KSR2: variants seen among roughly 807,000 people sequenced by gnomAD.
KSR2 encodes the protein kinase suppressor of ras 2.
In KSR2, 25 loss-of-function variants were observed where a neutral mutation model predicts 107.8. That is an observed-to-expected ratio of 0.23 (90% CI 0.17 to 0.32). KSR2 has a LOEUF of 0.32. Among genes scored for constraint, KSR2 ranks in the 10% least tolerant of loss-of-function variants. The pLI, the probability that KSR2 is intolerant of heterozygous loss-of-function variation, is 1.00. For synonymous variants in KSR2, 480 were observed against 507.0 expected (o/e 0.95, Z 0.71); for missense variants, 887 against 1,268.9 (o/e 0.70, Z 4.57).
At chr12:117,631,503 A>C (rs996042969) in intron 5 of KSR2, among the ~76,000 whole-genome samples, 11 of 152,338 alleles carry the variant, frequency 7.2e-5, no homozygotes, top group African/African-American at 2.6e-4. Context: ...TGATTATCAT[A>C]AATCTAGGTC....
rs141091835 is a variant in KSR2 at position 117,602,421 on chromosome 12, A to G, written c.1172-20062T>C. On this transcript the variant is annotated intron_variant, in intron 5 of 19. Transcript: ENST00000339824. ...ACCCCAGCTTCTCCCAGTCCCTGGAATTACCAATCTGCTTCCTGTCTACAT... is the reference window on the plus strand; with the variant it reads ...ACCCCAGCTTCTCCCAGTCCCTGGAGTTACCAATCTGCTTCCTGTCTACAT... Among the ~76,000 whole-genome samples, 328 of 152,310 alleles carry G rather than the reference A, an allele frequency of 2.2e-3. 3 individuals are homozygous for G. Among genetic ancestry groups the G allele is most frequent in the Non-Finnish European group, 3.9e-3 (266 of 68,022 alleles).
At chr12:117,932,036 C>T (rs1270362565) in intron 1 of KSR2, among the ~76,000 whole-genome samples, 1 of 152,030 alleles carries the variant, frequency 6.6e-6, no homozygotes, top group Non-Finnish European at 1.5e-5. Flanking sequence ...CCTGTAATAC[C>T]AGCACTTTGG....
chr12:117,598,504 C>T (rs10850851), intron 5 of KSR2, among the ~76,000 whole-genome samples: 22,381 of 152,192 alleles, frequency 0.15, 1,838 homozygotes, highest in Non-Finnish European at 0.18. Context: ...CTGGATCAAA[C>T]GGTGGTTCTA....
rs566513573 is a variant in KSR2, at chr12:117,939,526, C to T, written c.180+28550G>A. 4.6e-5 allele frequency among the ~76,000 whole-genome samples: 7 copies of T among 152,170 alleles called. No homozygotes were observed. In the East Asian group the frequency reaches 1.4e-3, roughly 29 times the overall value. On this transcript the variant is annotated intron_variant, in intron 1 of 19. Transcript: ENST00000339824. ...AGGAGTTCAAGACCAGCCTGACCAA[C>T]ATAGTGAAAGCCCATCTCTACTAAA... is the stretch of plus-strand genomic sequence containing the variant.
intron 3 of KSR2, among the ~76,000 whole-genome samples, chr12:117,778,445 G>T (rs1437748947): frequency 2.0e-5 from 3 of 152,144 alleles, no homozygotes; most frequent in Non-Finnish European, 4.4e-5. Flanking sequence ...TAACAGTATT[G>T]GTATCATGCA....
chr12:117,846,511 C>T (rs922539010), intron 3 of KSR2, among the ~76,000 whole-genome samples: 2 of 152,062 alleles, frequency 1.3e-5, no homozygotes, highest in African/African-American at 4.8e-5. Context: ...CTATGTTGCC[C>T]AGGCTGGTCT....
intron 3 of KSR2, among the ~76,000 whole-genome samples, chr12:117,805,497 A>G (rs569662599): frequency 6.6e-6 from 1 of 152,356 alleles, no homozygotes; most frequent in African/African-American, 2.4e-5. Context: ...GGTTCAGGTC[A>G]TGATGAAATG....
chr12:117,811,209 A>G (rs372940116), intron 3 of KSR2, among the ~76,000 whole-genome samples: 3 of 152,020 alleles, frequency 2.0e-5, no homozygotes, highest in African/African-American at 7.2e-5. Flanking sequence ...TGCCCTCTAC[A>G]CCCACACAAC....
intron 4 of KSR2, among the ~76,000 whole-genome samples, chr12:117,694,454 T>C (rs1376333759): frequency 1.3e-5 from 2 of 152,168 alleles, no homozygotes; most frequent in African/African-American, 2.4e-5. Context: ...GAACTGTGAG[T>C]CCATTAAACC....
rs1871133508 is a variant in KSR2, at chr12:117,466,101, A to G, written c.*1098T>C. On this transcript the variant is annotated 3_prime_UTR_variant, in exon 20 of 20. Transcript: ENST00000339824. ...GAGCAAAGAACGCAGAAGTGTAACA[A>G]ACATCCTCCCTTTGTGCTCCCCCAA... 1 of 152,244 alleles carries G rather than the reference A, an allele frequency of 6.6e-6. No homozygotes were observed. The highest frequency in any genetic ancestry group is 1.5e-5 in the Non-Finnish European group (1 of 68,072). 9.4% of individuals were successfully genotyped at this position (152,244 alleles called of 1,614,324 possible). A position where few individuals can be genotyped will look rare whatever the true frequency, so the allele number is the denominator to read the frequency against.
In KSR2 at chr12:117,524,946, G is replaced by A. The variant is rs368850098; in HGVS notation, c.2125C>T (p.Arg709Trp). The A allele has an allele frequency of 6.2e-6, 10 of 1,613,664 alleles. No individual in the cohort carries two copies. Among genetic ancestry groups the A allele is most frequent in the African/African-American group, 2.7e-5 (2 of 74,886 alleles). The change falls in exon 14 of 20, where the codon CGG becomes TGG. Residue 709 changes from arginine (R) to tryptophan (W), a missense_variant. Coordinates refer to ENST00000339824, the MANE Select transcript of KSR2 (RefSeq NM_173598.6). ...GTCTGCCTGTAGGCCATCACCTCCCGCTTGAAGGCCTTGAGCTGGTCCTCG... is the reference window on the plus strand; with the variant it reads ...GTCTGCCTGTAGGCCATCACCTCCCACTTGAAGGCCTTGAGCTGGTCCTCG... The part of the protein sequence containing the change: ...DNEDQLKAFK[R>W]EVMAYRQTRH...
chr12:117,827,802 A>T (rs1891813514), intron 3 of KSR2, among the ~76,000 whole-genome samples: 1 of 152,222 alleles, frequency 6.6e-6, no homozygotes, highest in African/African-American at 2.4e-5. Context: ...CTCATGTCAT[A>T]GAAGGTGATG....
intron 4 of KSR2, among the ~76,000 whole-genome samples, chr12:117,688,346 C>CGGCCTG (rs987584040): frequency 5.3e-5 from 8 of 152,178 alleles, no homozygotes; most frequent in Non-Finnish European, 8.8e-5. Flanking sequence ...CACTGCACCC[C>CGGCCTG]GGCCTGGGTG....
chr12:117,618,093 A>C (rs1177305596), intron 5 of KSR2, among the ~76,000 whole-genome samples: 1 of 152,138 alleles, frequency 6.6e-6, no homozygotes, highest in Non-Finnish European at 1.5e-5. Flanking sequence ...TAAAAATTTG[A>C]GGAGATAATT....
At chr12:117,760,472 A>G (rs1320303785) in intron 4 of KSR2, among the ~76,000 whole-genome samples, 1 of 152,220 alleles carries the variant, frequency 6.6e-6, no homozygotes, top group Non-Finnish European at 1.5e-5. Flanking sequence ...ATTTTGATAT[A>G]TTGGGTTGAA....
chr12:117,639,202 C>G (rs1255744021), intron 5 of KSR2, among the ~76,000 whole-genome samples: 1 of 152,046 alleles, frequency 6.6e-6, no homozygotes, highest in Non-Finnish European at 1.5e-5. Context: ...CCCAGCCCCA[C>G]CCTAGTCCTG....
At chr12:117,903,419 T>A (rs1298945862) in intron 1 of KSR2, among the ~76,000 whole-genome samples, 1 of 152,236 alleles carries the variant, frequency 6.6e-6, no homozygotes, top group Non-Finnish European at 1.5e-5. Flanking sequence ...GATTTTTGAA[T>A]AAACAAATAC....
At chr12:117,591,500 A>G (rs1194470784) in intron 5 of KSR2, among the ~76,000 whole-genome samples, 1 of 152,038 alleles carries the variant, frequency 6.6e-6, no homozygotes, top group Non-Finnish European at 1.5e-5. Context: ...GAGATAGGAG[A>G]TGCCCTGCTA....
At chr12:117,510,747 A>T (rs1873971827) in intron 14 of KSR2, among the ~76,000 whole-genome samples, 1 of 152,072 alleles carries the variant, frequency 6.6e-6, no homozygotes, top group African/African-American at 2.4e-5. Flanking sequence ...GCATGGTGGC[A>T]TGTGCCTGTG....
Sources: gnomAD v4.1 joint callset for allele counts (sites outside exome capture counted in the v4.1 genomes callset) on GRCh38, gnomAD v4.1.1 for gene constraint, MANE v1.5 for transcripts, NCBI Gene and HGNC (gene_info 2026-07-23, HGNC 2026-07-21) for gene names.